Variants in CACNA1A observed in about 807,000 individuals in gnomAD.
The protein encoded by CACNA1A is voltage-dependent P/Q-type calcium channel subunit alpha-1A.
CACNA1A carries 57 observed loss-of-function variants against 262.4 expected under a neutral mutation model. The ratio of observed to expected loss-of-function variants is 0.22; its 90% CI spans 0.18 to 0.27. The LOEUF is 0.27. CACNA1A is among the 10% of genes least tolerant of loss of function. The probability of loss-of-function intolerance (pLI) is 1.00; values close to 1 mark genes in which losing one functional copy is unlikely to be tolerated. For missense variants in CACNA1A, 2,526 were observed against 3,562.8 expected (o/e 0.71, Z 7.41); for synonymous variants, 1,431 against 1,419.3 (o/e 1.01, Z -0.18).
intron 18 of CACNA1A, among the ~76,000 whole-genome samples, chr19:13,300,074 C>G (rs188877531): frequency 1.6e-3 from 243 of 152,280 alleles, no homozygotes; most frequent in African/African-American, 5.3e-3. Context: ...TGCTGTGCAG[C>G]CCCGTTCCTA....
intron 32 of CACNA1A, 74 bp from the exon 33 acceptor site, chr19:13,235,348 T>C: frequency 7.1e-7 from 1 of 1,408,082 alleles, no homozygotes; most frequent in Non-Finnish European, 9.8e-7. Flanking sequence ...CTTGTCCCAG[T>C]GCTCTGCCCC....
intron 38 of CACNA1A, among the ~76,000 whole-genome samples, chr19:13,224,324 C>CAAAAA (rs71168690): frequency 7.0e-6 from 1 of 143,022 alleles, no homozygotes; most frequent in African/African-American, 2.6e-5. Flanking sequence ...ATTGTCACAC[C>CAAAAA]AAAAAAAAAA....
chr19:13,447,864 G>A (rs2060843963), intron 3 of CACNA1A, among the ~76,000 whole-genome samples: 1 of 152,132 alleles, frequency 6.6e-6, no homozygotes, highest in Non-Finnish European at 1.5e-5. Context: ...TGGCCACACT[G>A]GCAGCTGATT....
At chr19:13,475,533 G>A (rs1978423304) in intron 1 of CACNA1A, among the ~76,000 whole-genome samples, 1 of 152,150 alleles carries the variant, frequency 6.6e-6, no homozygotes, top group Non-Finnish European at 1.5e-5. Context: ...CAGGGAGGTG[G>A]GGAAAATGAC....
chr19:13,317,451 G>T, intron 10 of CACNA1A, 130 bp from the exon 11 acceptor site: 1 of 695,260 alleles, frequency 1.4e-6, no homozygotes, highest in Non-Finnish European at 2.4e-6. Flanking sequence ...TGGCCTGAGG[G>T]AACCATCATG....
chr19:13,468,920 T>G (rs1187524387), intron 1 of CACNA1A, among the ~76,000 whole-genome samples: 1 of 152,134 alleles, frequency 6.6e-6, no homozygotes, highest in Non-Finnish European at 1.5e-5. Flanking sequence ...CTCTGGAATA[T>G]GTCCACCATC....
chr19:13,324,157 T>C (rs2058308375), intron 10 of CACNA1A, among the ~76,000 whole-genome samples: 1 of 152,114 alleles, frequency 6.6e-6, no homozygotes. Context: ...TACAGTATGA[T>C]CTCACATGTG....
chr19:13,392,210 C>A (rs1307544417), intron 3 of CACNA1A, among the ~76,000 whole-genome samples: 2 of 146,640 alleles, frequency 1.4e-5, no homozygotes, highest in Non-Finnish European at 3.0e-5. Context: ...AAACTCTGTT[C>A]AAAAAAAAAG....
chr19:13,327,880 T>G (rs954265252), intron 10 of CACNA1A, among the ~76,000 whole-genome samples: 7 of 150,534 alleles, frequency 4.7e-5, no homozygotes, highest in African/African-American at 1.5e-4. Flanking sequence ...GCCAGCAAAG[T>G]AGATTTTTAA....
At chr19:13,367,876 G>C (rs1306935044) in intron 4 of CACNA1A, among the ~76,000 whole-genome samples, 1 of 152,178 alleles carries the variant, frequency 6.6e-6, no homozygotes, top group Non-Finnish European at 1.5e-5. Flanking sequence ...TCAGCCTCCA[G>C]TAGCCTCTCA....
chr19:13,385,654 T>C (rs2144626153), intron 3 of CACNA1A, among the ~76,000 whole-genome samples: 1 of 152,328 alleles, frequency 6.6e-6, no homozygotes, highest in East Asian at 1.9e-4. Flanking sequence ...CCACTGTGCC[T>C]GGCTTTGCAA....
intron 14 of CACNA1A, 36 bp from the exon 15 acceptor site, chr19:13,307,890 A>G: frequency 6.3e-7 from 1 of 1,589,102 alleles, no homozygotes; most frequent in Non-Finnish European, 8.6e-7. Flanking sequence ...CGTTGGCCCC[A>G]CCCGGGGTGC....
intron 2 of CACNA1A, 84 bp downstream of exon 2, chr19:13,455,023 C>G (rs2060981684): frequency 2.7e-6 from 2 of 739,210 alleles, no homozygotes; most frequent in Non-Finnish European, 4.7e-6. Context: ...GACTGAGAGC[C>G]TCCTCTGTGC....
At chr19:13,335,024 C>G (rs563769585) in intron 7 of CACNA1A, among the ~76,000 whole-genome samples, 1 of 122,530 alleles carries the variant, frequency 8.2e-6, no homozygotes, top group African/African-American at 2.6e-5. Context: ...TAAAGCTAGA[C>G]ACCGTCTCAA....
chr19:13,223,494 C>T (rs1316104279), intron 38 of CACNA1A, among the ~76,000 whole-genome samples: 1 of 152,148 alleles, frequency 6.6e-6, no homozygotes, highest in Non-Finnish European at 1.5e-5. Flanking sequence ...GAGCCTACCC[C>T]TAGATCTAAG....
At chr19:13,437,131 GAGA>G (rs1187763192) in intron 3 of CACNA1A, among the ~76,000 whole-genome samples, 2 of 152,190 alleles carry the variant, frequency 1.3e-5, no homozygotes, top group Non-Finnish European at 2.9e-5. Flanking sequence ...GCTGCTCGTG[GAGA>G]AGGCTGGTGT....
intron 4 of CACNA1A, among the ~76,000 whole-genome samples, chr19:13,367,356 T>C (rs8105564): frequency 0.51 from 74,053 of 145,964 alleles, 20,172 homozygotes; most frequent in African/African-American, 0.73. Context: ...CCATCTGAAA[T>C]GAAGCCCCAT....
At chr19:13,244,119 G>A (rs1213493834) in intron 31 of CACNA1A, 1 of 152,194 alleles carries the variant, frequency 6.6e-6, no homozygotes, top group African/African-American at 2.4e-5. Flanking sequence ...CTCCCACTTG[G>A]TGGCTTCTCC....
chr19:13,211,874 A>G, intron 43 of CACNA1A: 1 of 518,062 alleles, frequency 1.9e-6, no homozygotes, highest in Non-Finnish European at 3.5e-6. Flanking sequence ...CCTCTGCCCC[A>G]GGGGGAGCAC....
Sources: gnomAD v4.1 joint callset for allele counts (sites outside exome capture counted in the v4.1 genomes callset) on GRCh38, gnomAD v4.1.1 for gene constraint, MANE v1.5 for transcripts, NCBI Gene and HGNC (gene_info 2026-07-23, HGNC 2026-07-21) for gene names.